Variants in GRAP2 observed in about 807,000 individuals in gnomAD.
GRAP2 encodes GRB2-related adapter protein 2.
A neutral mutation model predicts 43.5 loss-of-function variants in GRAP2; 31 were observed. The ratio of observed to expected loss-of-function variants is 0.71; its 90% CI spans 0.54 to 0.96. The LOEUF (loss-of-function observed/expected upper bound fraction) is 0.96. Ranked by LOEUF, GRAP2 falls within the 40% of genes least tolerant of loss-of-function variation. The probability of loss-of-function intolerance (pLI) is 0.00; values close to 1 mark genes in which losing one functional copy is unlikely to be tolerated. For synonymous variants in GRAP2, 156 were observed against 164.8 expected, an observed-to-expected ratio of 0.95 and a Z score of 0.41; for missense variants, 371 against 424.4, an observed-to-expected ratio of 0.87 and a Z score of 1.11.
intron 1 of GRAP2, among the ~76,000 whole-genome samples, chr22:39,928,700 T>C (rs2066728417): frequency 6.6e-6 from 1 of 152,218 alleles, no homozygotes; most frequent in Admixed American, 6.5e-5. Flanking sequence ...GATAGTGCGA[T>C]GTCATAAACC....
chr22:39,920,957 C>CACAA (rs1185263594), intron 1 of GRAP2, among the ~76,000 whole-genome samples: 150 of 144,206 alleles, frequency 1.0e-3, no homozygotes, highest in African/African-American at 4.0e-3. Flanking sequence ...CACACACACA[C>CACAA]ACACACACAC....
rs200784569 is a variant in GRAP2 at position 39,965,505 on chromosome 22, G to GA, written c.291-479dup. Reference sequence around the variant, plus strand: ...GATCAAGAGATCCTTATTACATAGAGAAAAAATGTGACATATTTCTTAGGA... The same window carrying GA: ...GATCAAGAGATCCTTATTACATAGAGAAAAAAATGTGACATATTTCTTAGGA... On this transcript the variant is annotated intron_variant, in intron 4 of 7. Transcript: ENST00000344138. Among the ~76,000 whole-genome samples the GA allele has an allele frequency of 2.5e-3, 376 of 152,264 alleles. 9 individuals carry two copies. The East Asian group carries it at 0.041, about 16-fold the overall frequency.
At chr22:39,953,903 G>A (rs182277205) in intron 2 of GRAP2, among the ~76,000 whole-genome samples, 1 of 152,180 alleles carries the variant, frequency 6.6e-6, no homozygotes, top group African/African-American at 2.4e-5. Context: ...ATGAGCCATC[G>A]CACCCAGCCA....
At chr22:39,942,809 A>G (rs1460782027) in intron 1 of GRAP2, among the ~76,000 whole-genome samples, 2 of 152,196 alleles carry the variant, frequency 1.3e-5, no homozygotes, top group East Asian at 3.8e-4. Flanking sequence ...GAACTAATTA[A>G]TTAATTTTGT....
chr22:39,901,349 T>C lies in GRAP2; in HGVS notation c.-15+19T>C, dbSNP rs1408471370. ...CCAAAAGGTATGTCATTATACAACA[T>C]CTGTACATATACTCTAGAAACTTTG... On this transcript the variant is annotated intron_variant, in intron 1 of 7. Transcript: ENST00000344138. 5 of 852,880 alleles carry C rather than the reference T, an allele frequency of 5.9e-6. No homozygotes were observed. Among genetic ancestry groups the C allele is most frequent in the Non-Finnish European group, 8.5e-6 (5 of 590,088 alleles). 52.8% of individuals were successfully genotyped at this position (852,880 alleles called of 1,614,324 possible).
the GRAP2 span, among the ~76,000 whole-genome samples, chr22:39,895,331 C>T: frequency 5.3e-5 from 8 of 152,138 alleles, no homozygotes; most frequent in African/African-American, 1.9e-4. Flanking sequence ...ATTATTGATA[C>T]TGACATGTAG....
intron 5 of GRAP2, among the ~76,000 whole-genome samples, chr22:39,966,585 A>G (rs1847408722): frequency 6.6e-6 from 1 of 152,204 alleles, no homozygotes; most frequent in African/African-American, 2.4e-5. Flanking sequence ...GGTGCTACAG[A>G]CAGGGACATT....
intron 1 of GRAP2, among the ~76,000 whole-genome samples, chr22:39,915,055 G>T (rs1480781657): frequency 6.6e-6 from 1 of 151,588 alleles, no homozygotes; most frequent in Non-Finnish European, 1.5e-5. Flanking sequence ...TGGATGTGGT[G>T]GTGGGTGCCT....
chr22:39,953,521 T>C (rs1316036229), intron 2 of GRAP2, among the ~76,000 whole-genome samples: 1 of 152,182 alleles, frequency 6.6e-6, no homozygotes, highest in Non-Finnish European at 1.5e-5. Context: ...ACTGGAGGCC[T>C]GCGCTCATCT....
intron 1 of GRAP2, among the ~76,000 whole-genome samples, chr22:39,907,066 A>G (rs1004544993): frequency 1.3e-5 from 2 of 152,240 alleles, no homozygotes; most frequent in Non-Finnish European, 2.9e-5. Flanking sequence ...GAAAATATAG[A>G]TCATTAAATC....
intron 2 of GRAP2, among the ~76,000 whole-genome samples, chr22:39,949,194 A>G (rs1399192925): frequency 1.3e-5 from 2 of 151,682 alleles, no homozygotes; most frequent in African/African-American, 2.4e-5. Flanking sequence ...TCTTCTTTCC[A>G]TGTTCTAATT....
intron 4 of GRAP2, among the ~76,000 whole-genome samples, chr22:39,963,147 CATTATTAATTATTTTTACATCTGTCA>C (rs2145671513): frequency 6.6e-6 from 1 of 152,278 alleles, no homozygotes; most frequent in Non-Finnish European, 1.5e-5. Context: ...AAAGCAAAAT[CATTATTAATTATTTTTACATCTGTCA>C]TGGGCACAGA....
chr22:39,952,578 GCA>G, intron 2 of GRAP2, among the ~76,000 whole-genome samples: 1 of 152,158 alleles, frequency 6.6e-6, no homozygotes, highest in South Asian at 2.1e-4. Flanking sequence ...TGCCCCCTCA[GCA>G]CACACATACC....
At chr22:39,938,899 G>A (rs1021865862) in intron 1 of GRAP2, among the ~76,000 whole-genome samples, 4 of 152,150 alleles carry the variant, frequency 2.6e-5, no homozygotes, top group African/African-American at 9.7e-5. Flanking sequence ...CAGCTCAGCC[G>A]CTGATGAATT....
At chr22:39,921,026 T>A (rs1354554705) in intron 1 of GRAP2, among the ~76,000 whole-genome samples, 2 of 151,624 alleles carry the variant, frequency 1.3e-5, no homozygotes, top group Non-Finnish European at 2.9e-5. Flanking sequence ...CTGGTTGCCC[T>A]GGCAATGAAG....
At chr22:39,914,728 C>T (rs985786189) in intron 1 of GRAP2, among the ~76,000 whole-genome samples, 3 of 152,030 alleles carry the variant, frequency 2.0e-5, no homozygotes, top group Admixed American at 2.0e-4. Flanking sequence ...ATAAAGTAGT[C>T]GCAAAAGTGC....
At chr22:39,957,626 C>A (rs924616897) in intron 3 of GRAP2, among the ~76,000 whole-genome samples, 12 of 152,116 alleles carry the variant, frequency 7.9e-5, no homozygotes, top group African/African-American at 2.9e-4. Flanking sequence ...AAAACACAAA[C>A]AAACAAAACC....
At chr22:39,904,390 A>G (rs2066510682) in intron 1 of GRAP2, among the ~76,000 whole-genome samples, 1 of 152,246 alleles carries the variant, frequency 6.6e-6, no homozygotes, top group African/African-American at 2.4e-5. Flanking sequence ...CCTGTCTCAA[A>G]AAGAGGAAAA....
chr22:39,916,407 AC>A (rs1418430852), intron 1 of GRAP2, among the ~76,000 whole-genome samples: 4 of 152,142 alleles, frequency 2.6e-5, no homozygotes, highest in Non-Finnish European at 5.9e-5. Context: ...CAACTGTAGG[AC>A]CCCTCTGAAA....
Sources: allele counts gnomAD v4.1 joint callset (sites outside exome capture counted in the v4.1 genomes callset), GRCh38; gene constraint gnomAD v4.1.1; transcripts MANE v1.5; gene names NCBI Gene and HGNC (gene_info 2026-07-23, HGNC 2026-07-21).